Variants in CDH23 observed in about 807,000 individuals in gnomAD.
The protein encoded by CDH23 is cadherin related 23.
A neutral mutation model predicts 317.1 loss-of-function variants in CDH23; 189 were observed. That is an observed-to-expected ratio of 0.60 (90% confidence interval 0.53 to 0.67). The LOEUF is 0.67. Among genes scored for constraint, CDH23 ranks in the 30% least tolerant of loss-of-function variants. The pLI is 0.00. For synonymous variants in CDH23, 1,839 were observed against 1,876.8 expected (o/e 0.98, Z 0.52); for missense variants, 4,401 against 4,592.4 (o/e 0.96, Z 1.20).
chr10:71,785,784 G>C, intron 44 of CDH23, 46 bp downstream of exon 44: 1 of 1,189,928 alleles, frequency 8.4e-7, no homozygotes, highest in Non-Finnish European at 1.2e-6. Flanking sequence ...AGCTAGAGGC[G>C]CATGGAGAGA....
At chr10:71,803,124 G>A (rs776453826) in intron 54 of CDH23, 49 bp downstream of exon 54, 21 of 1,599,032 alleles carry the variant, frequency 1.3e-5, no homozygotes, top group South Asian at 4.4e-5. Flanking sequence ...GGTGGGAGGG[G>A]GAGGCCTGCC....
intron 1 of CDH23, among the ~76,000 whole-genome samples, chr10:71,427,370 C>T (rs1164331293): frequency 6.6e-6 from 1 of 152,088 alleles, no homozygotes; most frequent in Non-Finnish European, 1.5e-5. Context: ...CTAAGATTTA[C>T]CTCTTCTGGA....
intron 9 of CDH23, among the ~76,000 whole-genome samples, chr10:71,610,299 A>G (rs1860797750): frequency 6.6e-6 from 1 of 152,170 alleles, no homozygotes; most frequent in Non-Finnish European, 1.5e-5. Context: ...CACTGTGCCC[A>G]GCCCTAGGAC....
chr10:71,570,631 C>T (rs1857725906), intron 7 of CDH23, among the ~76,000 whole-genome samples, 159 bp from the exon 8 acceptor site: 2 of 152,222 alleles, frequency 1.3e-5, no homozygotes, highest in South Asian at 2.1e-4. Flanking sequence ...TTACTAAGCC[C>T]TTCCCTGCTG....
chr10:71,481,369 C>T (rs1244763937), intron 3 of CDH23, among the ~76,000 whole-genome samples: 2 of 152,166 alleles, frequency 1.3e-5, no homozygotes, highest in South Asian at 4.1e-4. Flanking sequence ...CAGCTCACAG[C>T]CACCCTTGGG....
chr10:71,788,128 A>G (rs1279833961), intron 44 of CDH23, among the ~76,000 whole-genome samples: 3 of 152,122 alleles, frequency 2.0e-5, no homozygotes, highest in Non-Finnish European at 2.9e-5. Flanking sequence ...GCTCACTGCA[A>G]TCTCTGCCTC....
intron 6 of CDH23, among the ~76,000 whole-genome samples, chr10:71,537,125 G>A (rs1417597653): frequency 6.6e-6 from 1 of 151,988 alleles, no homozygotes; most frequent in African/African-American, 2.4e-5. Flanking sequence ...TGGGCCCATG[G>A]CTGAGGGCCT....
rs1857747003 is a variant in CDH23 at position 71,570,816 on chromosome 10, C to T, written c.651C>T (p.Ser217=). The T allele has an allele frequency of 6.2e-7, 1 of 1,613,582 alleles. No homozygotes were observed. The highest frequency in any genetic ancestry group is 1.7e-5 in the Admixed American group (1 of 59,966). ...ATDQDKTRPL[S]TLANLAIIIT... ...ATCAAGACAAGACCAGGCCTCTGTC[C>T]ACCCTGGCCAACTTGGCCATCATCA... The change falls in exon 8 of 70, where the codon TCC becomes TCT. Residue 217 remains serine (S), a synonymous_variant. Transcript: ENST00000224721.
At chr10:71,561,573 G>T (rs1857133109) in intron 6 of CDH23, among the ~76,000 whole-genome samples, 1 of 152,178 alleles carries the variant, frequency 6.6e-6, no homozygotes, top group African/African-American at 2.4e-5. Flanking sequence ...CACCCCAGGA[G>T]TAGCAAAAAG....
chr10:71,487,123 C>T (rs1564611199), intron 3 of CDH23, among the ~76,000 whole-genome samples: 2 of 152,200 alleles, frequency 1.3e-5, no homozygotes, highest in African/African-American at 4.8e-5. Flanking sequence ...TCACCTCTCA[C>T]CTCCAACTCA....
chr10:71,773,030 G>A (rs1312272821), intron 38 of CDH23, among the ~76,000 whole-genome samples: 6 of 152,226 alleles, frequency 3.9e-5, no homozygotes, highest in African/African-American at 1.4e-4. Context: ...CCCCCACCCT[G>A]TGCCTCTCCT....
chr10:71,702,756 T>C, intron 24 of CDH23, 62 bp downstream of exon 24: 2 of 1,595,034 alleles, frequency 1.3e-6, no homozygotes, highest in Non-Finnish European at 8.6e-7. Flanking sequence ...CTGAGGAGCC[T>C]AGCCCAGGCT....
At chr10:71,728,095 G>A (rs1182859265) in intron 30 of CDH23, among the ~76,000 whole-genome samples, 2 of 152,154 alleles carry the variant, frequency 1.3e-5, no homozygotes, top group Non-Finnish European at 2.9e-5. Context: ...ATTTGGACAA[G>A]CAGATTGAGG....
At chr10:71,803,110 G>T (rs746378250) in intron 54 of CDH23, 35 bp downstream of exon 54, 5 of 1,601,360 alleles carry the variant, frequency 3.1e-6, no homozygotes, top group Non-Finnish European at 4.3e-6. Flanking sequence ...ATGATGTCTT[G>T]GGGGGTGGGA....
At chr10:71,807,154 C>T in intron 57 of CDH23, 123 bp from the exon 58 acceptor site, 2 of 1,230,724 alleles carry the variant, frequency 1.6e-6, no homozygotes, top group Non-Finnish European at 2.3e-6. Context: ...CTACTCACCC[C>T]ATAAGGCCTG....
At chr10:71,401,292 T>C (rs939725637) in intron 1 of CDH23, among the ~76,000 whole-genome samples, 1 of 152,166 alleles carries the variant, frequency 6.6e-6, no homozygotes, top group African/African-American at 2.4e-5. Context: ...CTCACGGTCC[T>C]TCCTTGGTGC....
rs1176742395 is a variant in CDH23 at position 71,567,280 on chromosome 10, TA to T, written c.624+346del. Reference sequence around the variant, plus strand: ...AGCCCGACTCCATAGCCTGCTCGGGTAACTTCCTTGAGACATTCTTAGTGCA... The same window carrying T: ...AGCCCGACTCCATAGCCTGCTCGGGTACTTCCTTGAGACATTCTTAGTGCA... On this transcript the variant is annotated intron_variant, in intron 7 of 69. Transcript: ENST00000224721. Among the ~76,000 whole-genome samples the T allele has an allele frequency of 9.8e-5, 15 of 152,332 alleles. 1 individual carries two copies. The East Asian group carries it at 2.9e-3, about 29-fold the overall frequency.
Position 71,510,175 on chromosome 10 carries a change from T to C in CDH23, c.239T>C (p.Val80Ala). 1 of 1,614,008 alleles carries C rather than the reference T, an allele frequency of 6.2e-7. No homozygotes were observed. Among genetic ancestry groups the C allele is most frequent in the South Asian group, 1.1e-5 (1 of 91,076 alleles). ...SGEEASRFFA[V>A]EPDTGVVWLR... is the part of the protein sequence containing the mutation. The stretch of plus-strand genomic sequence containing the variant: ...GAGGAGGCCTCTCGCTTCTTTGCAG[T>C]GGAGCCTGACACTGGCGTGGTGTGG... Residue 80 changes from valine (V) to alanine (A), a missense_variant, in exon 4 of 70, where the codon GTG becomes GCG. By Grantham distance (64) the Val-to-Ala change is moderately conservative. This residue lies in a region of CDH23 where 3,068 missense variants were observed against 3,203.3 expected (regional missense o/e 0.96). Transcript: ENST00000224721.
intron 3 of CDH23, among the ~76,000 whole-genome samples, chr10:71,446,731 G>A (rs1850189155): frequency 6.6e-6 from 1 of 152,192 alleles, no homozygotes; most frequent in Non-Finnish European, 1.5e-5. Context: ...GTAATTTTCT[G>A]TGATTACTAA....
Sources: gnomAD v4.1 joint callset for allele counts (sites outside exome capture counted in the v4.1 genomes callset) on GRCh38, gnomAD v4.1.1 for gene constraint, gnomAD v4.1.1 regional missense constraint, MANE v1.5 for transcripts, NCBI Gene and HGNC (gene_info 2026-07-23, HGNC 2026-07-21) for gene names.